Variants in IDH3A observed in about 807,000 individuals in gnomAD.
The protein encoded by IDH3A is isocitrate dehydrogenase (NAD(+)) 3 catalytic subunit alpha.
Under a neutral mutation model 43.3 loss-of-function variants are expected in IDH3A, and 23 were observed. The ratio of observed to expected loss-of-function variants is 0.53; its 90% CI spans 0.38 to 0.75. The LOEUF (loss-of-function observed/expected upper bound fraction) is 0.75, where lower values mean the gene tolerates loss of function less well. Among genes scored for constraint, IDH3A ranks in the 30% least tolerant of loss-of-function variants. The pLI, the probability that IDH3A is intolerant of heterozygous loss-of-function variation, is 0.00. For synonymous variants in IDH3A, 154 were observed against 163.5 expected (o/e 0.94, Z 0.44); for missense variants, 329 against 474.4 (o/e 0.69, Z 2.85).
intron 1 of IDH3A, 34 bp from the exon 2 acceptor site, chr15:78,155,179 T>G (rs2074613838): frequency 6.6e-7 from 1 of 1,518,232 alleles, no homozygotes; most frequent in Non-Finnish European, 9.1e-7. Flanking sequence ...GGTTTAATTC[T>G]GTGTGTGATA....
intron 2 of IDH3A, 53 bp from the exon 3 acceptor site, chr15:78,157,495 G>A: frequency 8.2e-7 from 1 of 1,215,590 alleles, no homozygotes; most frequent in East Asian, 2.4e-5. Context: ...TCTTTTTTAA[G>A]CCTTCAAAAA....
At chr15:78,162,060 C>A (rs922603619) in intron 5 of IDH3A, 174 bp from the exon 6 acceptor site, 1 of 672,562 alleles carries the variant, frequency 1.5e-6, no homozygotes, top group Non-Finnish European at 2.6e-6. Flanking sequence ...TAATACTTAC[C>A]TCTTAGGGCT....
At chr15:78,159,314 C>T (rs1394012864) in intron 3 of IDH3A, among the ~76,000 whole-genome samples, 2 of 151,614 alleles carry the variant, frequency 1.3e-5, no homozygotes, top group African/African-American at 4.8e-5. Context: ...CCTTTTTCTT[C>T]CCCCACCCTA....
Position 78,171,359 on chromosome 15 carries a change from G to A in IDH3A, c.*2354G>A, listed in dbSNP as rs1305658391. The A allele has an allele frequency of 1.7e-6, 2 of 1,145,788 alleles. No individual in the cohort carries two copies. The highest frequency in any genetic ancestry group is 2.6e-6 in the Non-Finnish European group (2 of 780,376). The allele number at this position is 1,145,788 out of a possible 1,614,324, so 71.0% of individuals were successfully genotyped here. A position where few individuals can be genotyped will look rare whatever the true frequency, so the allele number is the denominator to read the frequency against. Reference sequence around the variant, plus strand: ...TAACAGACTTGGCAGAAATGCCTGTGCCCAGACTGAAGAGACCTGGGGCTC... The same window carrying A: ...TAACAGACTTGGCAGAAATGCCTGTACCCAGACTGAAGAGACCTGGGGCTC... On this transcript the variant is annotated 3_prime_UTR_variant, in exon 11 of 11. Coordinates refer to ENST00000299518, the MANE Select transcript of IDH3A (RefSeq NM_005530.3).
chr15:78,158,448 C>CACACATATATATATATATATATAT (rs763962799), intron 3 of IDH3A, among the ~76,000 whole-genome samples: 2 of 28,238 alleles, frequency 7.1e-5, no homozygotes, highest in African/African-American at 3.1e-4. Context: ...TACATACATA[C>CACACATATATATATATATATATAT]ATATATATAT....
chr15:78,161,523 G>A lies in IDH3A; in HGVS notation c.290-58G>A. On this transcript the variant is annotated intron_variant, in intron 4 of 10. Transcript: ENST00000299518. This position sits in a 1 kb window ranked among gnomAD's most constrained non-coding sequence, Gnocchi z 4.8. ...CAAGGTAGCCGAGGTGGGTTAGTAG[G>A]TCACACGTGAGACCAGAATTCCTTC... 1 of 1,445,722 alleles carries A rather than the reference G, an allele frequency of 6.9e-7. No homozygotes were observed. Among genetic ancestry groups the A allele is most frequent in the Non-Finnish European group, 9.6e-7 (1 of 1,046,840 alleles). 89.6% of individuals were successfully genotyped at this position (1,445,722 alleles called of 1,614,324 possible).
In IDH3A at chr15:78,161,695, C is replaced by A; in HGVS notation, c.404C>A (p.Thr135Asn). ...TGTGTCTCTATCGAAGGCTATAAAA[C>A]CCCTTACACCGATGTAAATATTGTG... ...RPCVSIEGYK[T>N]PYTDVNIVTI... Residue 135 changes from threonine to asparagine, a missense_variant, in exon 5 of 11, where the codon ACC (threonine) becomes AAC (asparagine). Thr to Asn is a moderately conservative substitution (Grantham distance 65). Around this residue, in one of 3 missense-constraint regions of IDH3A, gnomAD observed 212 missense variants for 345.5 expected, o/e 0.61. Transcript: ENST00000299518. This position sits in a 1 kb window ranked among gnomAD's most constrained non-coding sequence, Gnocchi z 4.8. 6.2e-7 allele frequency: 1 copy of A among 1,614,100 alleles called. No individual in the cohort carries two copies. The highest frequency in any genetic ancestry group is 8.5e-7 in the Non-Finnish European group (1 of 1,179,964).
chr15:78,166,329 C>G, intron 10 of IDH3A, 27 bp downstream of exon 10: 1 of 1,610,432 alleles, frequency 6.2e-7, no homozygotes, highest in South Asian at 1.1e-5. Context: ...TTTACTTGTG[C>G]TGGGTAAAAT....
At chr15:78,150,808 T>C (rs1341606588) in intron 1 of IDH3A, 3 of 152,268 alleles carry the variant, frequency 2.0e-5, no homozygotes, top group Admixed American at 6.5e-5. Flanking sequence ...AACTAGATTC[T>C]ACTTTGTCAC....
intron 3 of IDH3A, among the ~76,000 whole-genome samples, chr15:78,157,953 G>A (rs916952444): frequency 2.0e-5 from 3 of 151,554 alleles, no homozygotes; most frequent in African/African-American, 7.3e-5. Context: ...GTGAGCCACC[G>A]CACCTGGCTG....
At chr15:78,162,131 T>C (rs1219013956) in intron 5 of IDH3A, 103 bp from the exon 6 acceptor site, 3 of 1,203,204 alleles carry the variant, frequency 2.5e-6, no homozygotes, top group Non-Finnish European at 3.6e-6. Flanking sequence ...TAGCTGGCAC[T>C]GTGCAGGCCT....
chr15:78,156,923 C>G (rs755738957), intron 2 of IDH3A: 12 of 1,351,628 alleles, frequency 8.9e-6, no homozygotes, highest in Non-Finnish European at 1.2e-5. Flanking sequence ...CTTTGCCAAG[C>G]TTATGTAGAT....
At chr15:78,157,986 T>A (rs1350740354) in intron 3 of IDH3A, among the ~76,000 whole-genome samples, 1 of 152,112 alleles carries the variant, frequency 6.6e-6, no homozygotes, top group African/African-American at 2.4e-5. Context: ...GTTGATAGTT[T>A]AAACTCCTGC....
At chr15:78,164,354 ATTT>A (rs144772337) in intron 8 of IDH3A, among the ~76,000 whole-genome samples, 1 of 116,556 alleles carries the variant, frequency 8.6e-6, no homozygotes. Context: ...GGTGATTTTC[ATTT>A]TTTTTTTTTT....
At chr15:78,159,871 T>C (rs1214391860) in intron 3 of IDH3A, 9 of 450,546 alleles carry the variant, frequency 2.0e-5, no homozygotes, top group Non-Finnish European at 3.3e-5. Flanking sequence ...GGTGGGCGCC[T>C]GTAATCCCAG....
In IDH3A at chr15:78,157,406, G is replaced by C. The variant is rs12904688; in HGVS notation, c.91-142G>C. ...TCCTGCCTCCCCTTTGATGACCCCC[G>C]GGGAGGTATGTTTGTTTTCTTAACA... On this transcript the variant is annotated intron_variant, in intron 2 of 10. Transcript: ENST00000299518. 0.3 allele frequency: 198,591 copies of C among 651,494 alleles called. 33,608 individuals carry two copies. Among genetic ancestry groups the C allele is most frequent in the Non-Finnish European group, 0.36 (143,015 of 392,454 alleles). 40.4% of individuals were successfully genotyped at this position (651,494 alleles called of 1,614,324 possible).
chr15:78,167,900 A>G (rs1403630722), intron 10 of IDH3A: 3 of 152,238 alleles, frequency 2.0e-5, no homozygotes, highest in East Asian at 3.8e-4. Flanking sequence ...ACAGCCTGAT[A>G]GTCACATTGG....
At position 78,161,539 on chromosome 15, in the gene IDH3A, G is replaced by C. The variant is rs755561108; in HGVS notation, c.290-42G>C. The C allele has an allele frequency of 6.4e-7, 1 of 1,567,148 alleles. No homozygotes were observed. The highest frequency in any genetic ancestry group is 1.3e-5 in the African/African-American group (1 of 74,192). ...GGTTAGTAGGTCACACGTGAGACCAGAATTCCTTCTAGTGTCATCTGGGTT... is the reference window on the plus strand; with the variant it reads ...GGTTAGTAGGTCACACGTGAGACCACAATTCCTTCTAGTGTCATCTGGGTT... On this transcript the variant is annotated intron_variant, in intron 4 of 10. Transcript: ENST00000299518. The surrounding 1 kb of genome is among the most constrained non-coding windows in gnomAD (Gnocchi z 4.8).
chr15:78,160,113 C>T lies in IDH3A; in HGVS notation c.196C>T (p.Arg66Trp). ...CTAGGCACCTATTCAGTGGGAGGAGCGGAACGTCACTGCCATTCAAGGACC... is the reference window on the plus strand; with the variant it reads ...CTAGGCACCTATTCAGTGGGAGGAGTGGAACGTCACTGCCATTCAAGGACC... ...AAKAPIQWEE[R>W]NVTAIQGPGG... Residue 66 changes from arginine (R) to tryptophan (W), a missense_variant, in exon 4 of 11, where the codon CGG becomes TGG. Arg to Trp is a moderately radical substitution (Grantham distance 101). This residue lies in a region of IDH3A where 212 missense variants were observed against 345.5 expected (regional missense o/e 0.61). Coordinates refer to ENST00000299518, the MANE Select transcript of IDH3A (RefSeq NM_005530.3). The T allele has an allele frequency of 7.4e-6, 12 of 1,610,746 alleles. No homozygotes were observed. The highest frequency in any genetic ancestry group is 1.0e-5 in the Non-Finnish European group (12 of 1,176,900).
Sources: gnomAD v4.1 joint callset for allele counts (sites outside exome capture counted in the v4.1 genomes callset) on GRCh38, gnomAD v4.1.1 for gene constraint, gnomAD v4.1.1 regional missense constraint, Gnocchi (gnomAD v3.1) non-coding constraint, MANE v1.5 for transcripts, NCBI Gene and HGNC (gene_info 2026-07-23, HGNC 2026-07-21) for gene names.